Variants in FRMPD4 observed in about 807,000 individuals in gnomAD.
FRMPD4 encodes FERM and PDZ domain-containing protein 4.
FRMPD4 carries 22 observed loss-of-function variants against 94.1 expected under a neutral mutation model. That is an observed-to-expected ratio of 0.23 (90% CI 0.17 to 0.33). The LOEUF is 0.33. Ranked by LOEUF, FRMPD4 falls within the 10% of genes least tolerant of loss-of-function variation. The probability of loss-of-function intolerance (pLI) is 1.00; values close to 1 mark genes in which losing one functional copy is unlikely to be tolerated. For synonymous variants in FRMPD4, 631 were observed against 548.6 expected (o/e 1.15, Z -2.10); for missense variants, 1,111 against 1,339.9 (o/e 0.83, Z 2.67).
At chrX:12,487,642 C>T (rs995316004) in intron 1 of FRMPD4, among the ~76,000 whole-genome samples, 6 of 111,941 alleles carry the variant, frequency 5.4e-5, no homozygotes, top group Admixed American at 4.7e-4. Context: ...TTTTTGATGA[C>T]CTTGGAGATG....
intron 2 of FRMPD4, among the ~76,000 whole-genome samples, chrX:12,585,001 A>G (rs2058911396): frequency 1.8e-5 from 2 of 110,956 alleles, no homozygotes; most frequent in South Asian, 7.7e-4. Flanking sequence ...GTTCACTGCA[A>G]CCTCCGCCTT....
At chrX:12,367,414 TCATGGCTA>T (rs2056099554) in intron 1 of FRMPD4, among the ~76,000 whole-genome samples, 1 of 112,519 alleles carries the variant, frequency 8.9e-6, no homozygotes, top group Admixed American at 9.4e-5. Flanking sequence ...ACTCCTGGAA[TCATGGCTA>T]CATTGCACAT....
At chrX:11,975,542 C>G (rs2054362611) in intron 3 of FRMPD4, among the ~76,000 whole-genome samples, 1 of 112,530 alleles carries the variant, frequency 8.9e-6, no homozygotes, top group East Asian at 2.8e-4. Flanking sequence ...TCTGAACAGT[C>G]TACCTACTAT....
At chrX:12,037,078 A>G (rs1166038182) in intron 3 of FRMPD4, among the ~76,000 whole-genome samples, 1 of 111,843 alleles carries the variant, frequency 8.9e-6, no homozygotes, top group African/African-American at 3.2e-5. Flanking sequence ...TTTGCCGGGT[A>G]CTAGAACTTT....
At chrX:11,959,896 C>T (rs1438530493) in intron 3 of FRMPD4, among the ~76,000 whole-genome samples, 1 of 111,279 alleles carries the variant, frequency 9.0e-6, no homozygotes, top group African/African-American at 3.3e-5. Context: ...TGCTCCATCT[C>T]CTGTTTCTTT....
At chrX:12,266,026 G>A (rs1193416765) in intron 1 of FRMPD4, among the ~76,000 whole-genome samples, 3 of 105,559 alleles carry the variant, frequency 2.8e-5, no homozygotes, top group Non-Finnish European at 1.9e-5. Flanking sequence ...CCAGCTATTC[G>A]GGAGCCTGAG....
At chrX:11,882,005 G>A (rs769421857) in intron 3 of FRMPD4, among the ~76,000 whole-genome samples, 1 of 111,693 alleles carries the variant, frequency 9.0e-6, no homozygotes, top group African/African-American at 3.2e-5. Context: ...GTTTATGAAA[G>A]CCAGAGACCC....
At chrX:12,457,673 G>A (rs965461872) in intron 1 of FRMPD4, among the ~76,000 whole-genome samples, 2 of 111,954 alleles carry the variant, frequency 1.8e-5, no homozygotes, top group African/African-American at 6.5e-5. Flanking sequence ...CAAATGATAA[G>A]GTGTCAGGTA....
rs57320131 is a variant in FRMPD4, at chrX:12,551,839, G to A, written c.158+53043G>A. 1.2e-4 allele frequency among the ~76,000 whole-genome samples: 13 copies of A among 111,356 alleles called. No individual in the cohort carries two copies. In the East Asian group the frequency reaches 3.6e-3, roughly 31 times the overall value. On this transcript the variant is annotated intron_variant, in intron 2 of 16. Transcript: ENST00000675598. ...TAATGTTAGCAGCCATTGATGCTCA[G>A]TGCTTAAACATTAAGTTACCAGGTG...
chrX:12,628,714 G>A lies in FRMPD4; in HGVS notation c.422+13833G>A, dbSNP rs141360870. 3.8e-3 allele frequency among the ~76,000 whole-genome samples: 432 copies of A among 112,714 alleles called. 1 individual carries two copies. The highest frequency in any genetic ancestry group is 0.012 in the African/African-American group (381 of 31,007). On this transcript the variant is annotated intron_variant, in intron 4 of 16. Coordinates refer to ENST00000675598, the MANE Select transcript of FRMPD4 (RefSeq NM_001368397.1). ...CACAGGCAACTACAAGTCTGGACCC[G>A]TTGCTTGTCCTGTAGTTCACCCCAT...
At chrX:11,981,054 A>T (rs1010858276) in intron 3 of FRMPD4, among the ~76,000 whole-genome samples, 1 of 111,960 alleles carries the variant, frequency 8.9e-6, no homozygotes, top group African/African-American at 3.2e-5. Flanking sequence ...AGTAGTTATA[A>T]GAGAGACCAT....
chrX:12,194,427 A>T (rs1273921169), intron 1 of FRMPD4, among the ~76,000 whole-genome samples: 2 of 56,555 alleles, frequency 3.5e-5, no homozygotes, highest in Non-Finnish European at 8.7e-5. Context: ...TCTAGTTATT[A>T]AAAAAAAAAA....
chrX:11,844,379 A>T (rs2053561329), intron 1 of FRMPD4, among the ~76,000 whole-genome samples: 1 of 109,302 alleles, frequency 9.1e-6, no homozygotes, highest in African/African-American at 3.3e-5. Flanking sequence ...TGAATATAGG[A>T]TTTGTGGTTG....
Position 11,951,153 on chromosome X carries a change from A to G in FRMPD4, c.95+73135A>G, listed in dbSNP as rs141780355. Among the ~76,000 whole-genome samples the G allele has an allele frequency of 5.8e-3, 640 of 111,104 alleles. 3 individuals carry two copies. Among genetic ancestry groups the G allele is most frequent in the African/African-American group, 0.02 (614 of 30,571 alleles). On this transcript the variant is annotated intron_variant, in intron 3 of 18. Transcript: ENST00000640291. ...TTATACACTATTGGTGGGAATGTAA[A>G]TTAATTCAGCCATGGTGGAAAACAG...
intron 3 of FRMPD4, among the ~76,000 whole-genome samples, chrX:12,023,925 T>C (rs774448326): frequency 1.1e-4 from 12 of 111,783 alleles, no homozygotes; most frequent in Non-Finnish European, 3.8e-5. Context: ...TGAATCTTTA[T>C]TGGGAGAGTG....
intron 1 of FRMPD4, among the ~76,000 whole-genome samples, chrX:12,255,389 G>A (rs1301712985): frequency 9.0e-6 from 1 of 111,637 alleles, no homozygotes; most frequent in East Asian, 2.8e-4. Flanking sequence ...AAGCGTATAG[G>A]GTGGAGGGTG....
intron 5 of FRMPD4, among the ~76,000 whole-genome samples, chrX:12,678,784 C>A (rs1470017295): frequency 1.8e-5 from 2 of 112,156 alleles, no homozygotes; most frequent in Non-Finnish European, 3.8e-5. Flanking sequence ...AAGATTGCAC[C>A]ATTGCACTCC....
At chrX:12,598,936 C>G (rs1009397324) in intron 2 of FRMPD4, among the ~76,000 whole-genome samples, 1 of 111,962 alleles carries the variant, frequency 8.9e-6, no homozygotes, top group African/African-American at 3.2e-5. Flanking sequence ...AATCAACTCT[C>G]CAAAAATATC....
At chrX:12,268,397 A>T (rs1193594412) in intron 1 of FRMPD4, among the ~76,000 whole-genome samples, 3 of 112,134 alleles carry the variant, frequency 2.7e-5, no homozygotes, top group Non-Finnish European at 5.6e-5. Flanking sequence ...AATGGATAGG[A>T]GCCTTGTACT....
Sources: allele counts gnomAD v4.1 joint callset (sites outside exome capture counted in the v4.1 genomes callset), GRCh38; gene constraint gnomAD v4.1.1; transcripts MANE v1.5; gene names NCBI Gene and HGNC (gene_info 2026-07-23, HGNC 2026-07-21).